The following NEK7 variants were observed in gnomAD, a reference collection of about 807,000 sequenced individuals.
NEK7 encodes serine/threonine-protein kinase Nek7.
A neutral mutation model predicts 44.6 loss-of-function variants in NEK7; 18 were observed. The ratio of observed to expected loss-of-function variants is 0.40; its 90% CI spans 0.28 to 0.60. NEK7 has a LOEUF of 0.60. NEK7 is among the 20% of genes least tolerant of loss of function. The pLI, the probability that NEK7 is intolerant of heterozygous loss-of-function variation, is 0.38. For missense variants in NEK7, 256 were observed against 366.5 expected (o/e 0.70, Z 2.46); for synonymous variants, 130 against 121.1 (o/e 1.07, Z -0.48).
At chr1:198,164,122 T>G (rs1223204317) in intron 1 of NEK7, among the ~76,000 whole-genome samples, 1 of 152,204 alleles carries the variant, frequency 6.6e-6, no homozygotes, top group Non-Finnish European at 1.5e-5. Flanking sequence ...CAGCTGTCAG[T>G]AAAGATTGTC....
At chr1:198,318,208 A>T (rs1655432590) in intron 9 of NEK7, among the ~76,000 whole-genome samples, 1 of 152,128 alleles carries the variant, frequency 6.6e-6, no homozygotes, top group South Asian at 2.1e-4. Flanking sequence ...TATTTAATAG[A>T]TGAAGAAATG....
At chr1:198,294,892 T>C (rs913787363) in intron 8 of NEK7, among the ~76,000 whole-genome samples, 3 of 152,204 alleles carry the variant, frequency 2.0e-5, no homozygotes, top group Admixed American at 6.5e-5. Flanking sequence ...TTATGTTCTA[T>C]TTCCTTTCAG....
rs188527648 is a variant in NEK7 at position 198,290,264 on chromosome 1, A to G, written c.590-2681A>G. On this transcript the variant is annotated intron_variant, in intron 7 of 9. Transcript: ENST00000367385. ...TTTTAATGTCTAATCATATCACTCC[A>G]TAACTCTCTTTTCTTGTACAGCTGT... 5.3e-4 allele frequency among the ~76,000 whole-genome samples: 80 copies of G among 152,328 alleles called. 1 individual carries two copies. The highest frequency in any genetic ancestry group is 1.7e-3 in the African/African-American group (70 of 41,578).
At chr1:198,163,718 G>A (rs556752192) in intron 1 of NEK7, among the ~76,000 whole-genome samples, 3 of 152,158 alleles carry the variant, frequency 2.0e-5, no homozygotes, top group African/African-American at 7.2e-5. Flanking sequence ...TATTTTTCAT[G>A]GCAACCTACA....
At chr1:198,276,683 T>C (rs1028846647) in intron 5 of NEK7, among the ~76,000 whole-genome samples, 1 of 151,790 alleles carries the variant, frequency 6.6e-6, no homozygotes, top group African/African-American at 2.4e-5. Flanking sequence ...CTATTGAAAT[T>C]GCTAATAAAT....
chr1:198,232,751 T>G, intron 2 of NEK7, 114 bp downstream of exon 2: 1 of 582,816 alleles, frequency 1.7e-6, no homozygotes, highest in Non-Finnish European at 2.9e-6. Context: ...AAAGTGCTAA[T>G]TTTGAATTTC....
intron 5 of NEK7, among the ~76,000 whole-genome samples, chr1:198,275,217 A>G (rs1466605624): frequency 6.6e-6 from 1 of 151,010 alleles, no homozygotes; most frequent in Non-Finnish European, 1.5e-5. Flanking sequence ...AAAAAAAAAG[A>G]CTAAACAAAA....
chr1:198,274,754 A>C (rs1311162532), intron 5 of NEK7, among the ~76,000 whole-genome samples: 2 of 151,734 alleles, frequency 1.3e-5, no homozygotes, highest in Non-Finnish European at 3.0e-5. Context: ...TGATACTTAG[A>C]TATTCACTGT....
intron 3 of NEK7, among the ~76,000 whole-genome samples, chr1:198,260,712 A>G (rs768934373): frequency 7.2e-5 from 11 of 152,194 alleles, no homozygotes; most frequent in Non-Finnish European, 1.6e-4. Context: ...GCAGTGCTCA[A>G]TATTTTACAT....
intron 1 of NEK7, among the ~76,000 whole-genome samples, chr1:198,177,755 T>C (rs1664646533): frequency 6.6e-6 from 1 of 151,894 alleles, no homozygotes; most frequent in African/African-American, 2.4e-5. Context: ...TAACCTCGGG[T>C]TGTGTGCCAG....
chr1:198,202,111 C>T (rs143500663), intron 1 of NEK7, among the ~76,000 whole-genome samples: 92 of 152,254 alleles, frequency 6.0e-4, no homozygotes, highest in Non-Finnish European at 1.1e-3. Context: ...ACTTCAGCCA[C>T]GTCTATTTCC....
At chr1:198,254,714 G>A (rs1653191192) in intron 3 of NEK7, among the ~76,000 whole-genome samples, 1 of 152,064 alleles carries the variant, frequency 6.6e-6, no homozygotes, top group African/African-American at 2.4e-5. Context: ...ATCCCACAGG[G>A]GATGCATGTG....
rs367930136 is a variant in NEK7 at position 198,227,346 on chromosome 1, C to A, written c.-28-5207C>A. Among the ~76,000 whole-genome samples, 6 of 152,274 alleles carry A rather than the reference C, an allele frequency of 3.9e-5. No individual in the cohort carries two copies. The East Asian group carries it at 9.6e-4, about 24-fold the overall frequency. On this transcript the variant is annotated intron_variant, in intron 1 of 9. Transcript: ENST00000367385. Reference sequence around the variant, plus strand: ...ATAAACATACGTGTGCATGTGTCTTCATAGCAGCATGATTTATAATCCTTT... The same window carrying A: ...ATAAACATACGTGTGCATGTGTCTTAATAGCAGCATGATTTATAATCCTTT...
At chr1:198,287,492 T>G in intron 7 of NEK7, among the ~76,000 whole-genome samples, 1 of 152,206 alleles carries the variant, frequency 6.6e-6, no homozygotes, top group Non-Finnish European at 1.5e-5. Context: ...TAAATATTTC[T>G]TTTTTGAAGA....
intron 1 of NEK7, among the ~76,000 whole-genome samples, chr1:198,224,086 C>G (rs1363928228): frequency 6.6e-6 from 1 of 152,130 alleles, no homozygotes; most frequent in East Asian, 1.9e-4. Context: ...TATTGAAATA[C>G]TTCTCTTTTT....
chr1:198,309,083 G>A (rs1362860352), intron 9 of NEK7, among the ~76,000 whole-genome samples: 11 of 152,280 alleles, frequency 7.2e-5, no homozygotes, highest in Admixed American at 3.9e-4. Context: ...ATACAAGTAT[G>A]TGAAGGGTAC....
Position 198,277,973 on chromosome 1 carries a change from CA to C in NEK7, c.389del (p.Lys130ArgfsTer3), listed in dbSNP as rs762809840. ...AATTTTCAAAAAGCATTTTAAGAAG[CA>C]AAAGAGGCTAATTCCTGAAAGAACT... is the stretch of plus-strand genomic sequence containing the variant. ...LSRMIKHFKK[Q>X]KRLIPERTVW... On this transcript the variant is annotated frameshift_variant, in exon 6 of 10. Transcript: ENST00000367385. LOFTEE classifies it high-confidence loss of function. 1.3e-6 allele frequency: 2 copies of C among 1,597,798 alleles called. No homozygotes were observed. The highest frequency in any genetic ancestry group is 8.6e-7 in the Non-Finnish European group (1 of 1,167,792).
intron 1 of NEK7, among the ~76,000 whole-genome samples, chr1:198,192,144 T>A (rs1317594): frequency 6.6e-6 from 1 of 151,830 alleles, no homozygotes. Flanking sequence ...GGAAGTTGTT[T>A]GTTTTATCTT....
Position 198,278,940 on chromosome 1 carries a change from T to C in NEK7, c.482-14T>C. ...GTCTATCATCTTTTACCTGATCCCT[T>C]CATTTATTCACAGATATAAAACCAG... is the stretch of plus-strand genomic sequence containing the variant. On this transcript the variant is annotated splice_polypyrimidine_tract_variant and intron_variant, in intron 6 of 9. Transcript: ENST00000367385. The C allele has an allele frequency of 7.0e-7, 1 of 1,421,510 alleles. No homozygotes were observed. The highest frequency in any genetic ancestry group is 9.9e-7 in the Non-Finnish European group (1 of 1,011,738). 88.1% of individuals were successfully genotyped at this position (1,421,510 alleles called of 1,614,324 possible). A position where few individuals can be genotyped will look rare whatever the true frequency, so the allele number is the denominator to read the frequency against.
Sources: allele counts gnomAD v4.1 joint callset (sites outside exome capture counted in the v4.1 genomes callset), GRCh38; gene constraint gnomAD v4.1.1; transcripts MANE v1.5; gene names NCBI Gene and HGNC (gene_info 2026-07-23, HGNC 2026-07-21).